The following CCNY variants were observed in gnomAD, a reference collection of about 807,000 sequenced individuals.
CCNY encodes the protein cyclin-Y.
A neutral mutation model predicts 42.8 loss-of-function variants in CCNY; 19 were observed. That is an observed-to-expected ratio of 0.44 (90% CI 0.31 to 0.65). The LOEUF (loss-of-function observed/expected upper bound fraction) is 0.65. Among genes scored for constraint, CCNY ranks in the 30% least tolerant of loss-of-function variants. CCNY has a pLI of 0.07. For missense variants in CCNY, 370 were observed against 437.3 expected, an observed-to-expected ratio of 0.85 and a Z score of 1.37; for synonymous variants, 165 against 162.7, an observed-to-expected ratio of 1.01 and a Z score of -0.11.
At position 35,570,116 on chromosome 10, in the gene CCNY, T is replaced by C. The variant is rs965498559; in HGVS notation, c.*946T>C. 3.9e-5 allele frequency: 6 copies of C among 152,756 alleles called. No homozygotes were observed. Among genetic ancestry groups the C allele is most frequent in the African/African-American group, 1.4e-4 (6 of 41,430 alleles). 9.5% of individuals were successfully genotyped at this position (152,756 alleles called of 1,614,324 possible). On this transcript the variant is annotated 3_prime_UTR_variant, in exon 10 of 10. Transcript: ENST00000374704. ...TTTCTTTGTACCCCTGCCTAATCCATTCCTCTCCTTCCAAGTCCATTGTTG... is the reference window on the plus strand; with the variant it reads ...TTTCTTTGTACCCCTGCCTAATCCACTCCTCTCCTTCCAAGTCCATTGTTG...
chr10:35,553,245 A>G, intron 8 of CCNY, 60 bp downstream of exon 8: 1 of 1,564,284 alleles, frequency 6.4e-7, no homozygotes, highest in Admixed American at 1.7e-5. Context: ...TTTGGAAAGA[A>G]AGCTGCCTCC....
chr10:35,458,132 G>A (rs1839078586), intron 1 of CCNY, among the ~76,000 whole-genome samples: 1 of 152,220 alleles, frequency 6.6e-6, no homozygotes, highest in Non-Finnish European at 1.5e-5. Flanking sequence ...TTTCCTACAA[G>A]CTGTTTCTGC....
chr10:35,338,420 T>A (rs979853768), intron 1 of CCNY, among the ~76,000 whole-genome samples: 62 of 152,220 alleles, frequency 4.1e-4, no homozygotes, highest in African/African-American at 1.3e-3. Flanking sequence ...AAATTATGGT[T>A]CCATATGACG....
In CCNY at chr10:35,540,549, G is replaced by T. The variant is rs1030968000; in HGVS notation, c.579+10306G>T. Reference sequence around the variant, plus strand: ...ATAGTAGCCTCATAGAACAAATTGAGAAATATTCCTTCTACTTTTTTTTTT... The same window carrying T: ...ATAGTAGCCTCATAGAACAAATTGATAAATATTCCTTCTACTTTTTTTTTT... On this transcript the variant is annotated intron_variant, in intron 7 of 9. Coordinates refer to ENST00000374704, the MANE Select transcript of CCNY (RefSeq NM_145012.6). Among the ~76,000 whole-genome samples the T allele has an allele frequency of 4.6e-5, 7 of 151,308 alleles. No individual in the cohort carries two copies. The South Asian group carries it at 1.2e-3, about 27-fold the overall frequency.
In CCNY at chr10:35,475,497, G is replaced by A. The variant is rs548995419; in HGVS notation, c.155-7907G>A. Among the ~76,000 whole-genome samples, 979 of 151,974 alleles carry A rather than the reference G, an allele frequency of 6.4e-3. 11 individuals carry two copies. The highest frequency in any genetic ancestry group is 0.022 in the African/African-American group (920 of 41,342). The stretch of plus-strand genomic sequence containing the variant: ...GGGGCCAATATTCAGCATTCTTAAA[G>A]AAAAGAATTTTCAACCCAGAATTTC... On this transcript the variant is annotated intron_variant, in intron 1 of 9. Transcript: ENST00000374704.
At chr10:35,305,597 T>C (rs1026241290) in intron 3 of CCNY, among the ~76,000 whole-genome samples, 1 of 152,246 alleles carries the variant, frequency 6.6e-6, no homozygotes, top group Non-Finnish European at 1.5e-5. Flanking sequence ...GTAAGGTTTG[T>C]GCTACTTATC....
At chr10:35,337,968 A>T (rs562515937) in intron 1 of CCNY, among the ~76,000 whole-genome samples, 3 of 152,174 alleles carry the variant, frequency 2.0e-5, no homozygotes, top group African/African-American at 4.8e-5. Context: ...TGTTTTATTT[A>T]TTTTATTGGT....
chr10:35,445,004 T>G (rs1291564841), intron 1 of CCNY, among the ~76,000 whole-genome samples: 1 of 152,176 alleles, frequency 6.6e-6, no homozygotes, highest in Non-Finnish European at 1.5e-5. Flanking sequence ...GTGGTTTGGC[T>G]TCAGGGTGAT....
intron 8 of CCNY, among the ~76,000 whole-genome samples, chr10:35,559,132 C>T (rs559448453): frequency 6.6e-6 from 1 of 152,194 alleles, no homozygotes; most frequent in African/African-American, 2.4e-5. Flanking sequence ...GATGCATTCA[C>T]ATGTCATCAT....
intron 1 of CCNY, among the ~76,000 whole-genome samples, chr10:35,482,749 G>GGTGTGTGTGTGTGTGTGTGTGT (rs56033862): frequency 7.8e-6 from 1 of 128,844 alleles, no homozygotes; most frequent in Non-Finnish European, 1.6e-5. Context: ...GCTGGAAATA[G>GGTGTGTGTGTGTGTGTGTGTGT]GTGTGTGTGT....
chr10:35,324,248 GC>G (rs1393509252), intron 3 of CCNY, among the ~76,000 whole-genome samples: 1 of 152,092 alleles, frequency 6.6e-6, no homozygotes, highest in Non-Finnish European at 1.5e-5. Flanking sequence ...ACCAGATTTA[GC>G]CCTATTACTG....
intron 8 of CCNY, among the ~76,000 whole-genome samples, chr10:35,563,743 G>T (rs1841510942): frequency 1.3e-5 from 2 of 152,042 alleles, no homozygotes; most frequent in South Asian, 2.1e-4. Flanking sequence ...TTTCGCTCTC[G>T]TTGCCCAGGC....
intron 7 of CCNY, among the ~76,000 whole-genome samples, chr10:35,547,092 A>G (rs1287880054): frequency 6.6e-6 from 1 of 152,058 alleles, no homozygotes; most frequent in African/African-American, 2.4e-5. Flanking sequence ...GAGTAAGAGG[A>G]TTTGTCATCA....
intron 1 of CCNY, among the ~76,000 whole-genome samples, chr10:35,464,230 G>A (rs1839212244): frequency 6.6e-6 from 1 of 152,158 alleles, no homozygotes; most frequent in African/African-American, 2.4e-5. Context: ...ACCACTGCTT[G>A]TCACTCTCAT....
At chr10:35,564,696 G>A (rs1210702744) in intron 8 of CCNY, among the ~76,000 whole-genome samples, 1 of 152,204 alleles carries the variant, frequency 6.6e-6, no homozygotes, top group African/African-American at 2.4e-5. Flanking sequence ...AATGGTGACT[G>A]TGTGTTTTGG....
intron 1 of CCNY, among the ~76,000 whole-genome samples, chr10:35,479,982 G>A (rs1839628746): frequency 6.6e-6 from 1 of 151,894 alleles, no homozygotes; most frequent in Admixed American, 6.6e-5. Context: ...TCTGAGAATG[G>A]TGGCTTTTCC....
At chr10:35,416,652 A>C (rs1393196930) in intron 1 of CCNY, among the ~76,000 whole-genome samples, 1 of 152,212 alleles carries the variant, frequency 6.6e-6, no homozygotes, top group Non-Finnish European at 1.5e-5. Context: ...CTTTTTTATT[A>C]TATGAAATGA....
At chr10:35,404,644 G>A (rs554549181) in intron 1 of CCNY, among the ~76,000 whole-genome samples, 1 of 152,248 alleles carries the variant, frequency 6.6e-6, no homozygotes, top group South Asian at 2.1e-4. Flanking sequence ...TGGCATCCGT[G>A]ATGGTCCAGG....
chr10:35,438,724 A>G (rs1478299813), intron 1 of CCNY, among the ~76,000 whole-genome samples: 1 of 152,218 alleles, frequency 6.6e-6, no homozygotes, highest in Non-Finnish European at 1.5e-5. Flanking sequence ...GAAGGAGGAA[A>G]GCCTTTTACA....
Sources: allele counts gnomAD v4.1 joint callset (sites outside exome capture counted in the v4.1 genomes callset), GRCh38; gene constraint gnomAD v4.1.1; transcripts MANE v1.5; gene names NCBI Gene and HGNC (gene_info 2026-07-23, HGNC 2026-07-21).